Variants in TBC1D10A observed in about 807,000 individuals in gnomAD.
TBC1D10A encodes the protein TBC1 domain family member 10A.
Under a neutral mutation model 52.9 loss-of-function variants are expected in TBC1D10A, and 24 were observed. The observed-to-expected ratio is 0.45, with a 90% confidence interval of 0.33 to 0.64. The LOEUF (loss-of-function observed/expected upper bound fraction) is 0.64, where lower values mean the gene tolerates loss of function less well. Ranked by LOEUF, TBC1D10A falls within the 30% of genes least tolerant of loss-of-function variation. The pLI is 0.02. For synonymous variants in TBC1D10A, 278 were observed against 282.9 expected (o/e 0.98, Z 0.17); for missense variants, 602 against 687.9 (o/e 0.88, Z 1.40).
Position 30,292,160 on chromosome 22 carries a change from G to C in TBC1D10A, c.*215C>G. 1 of 479,244 alleles carries C rather than the reference G, an allele frequency of 2.1e-6. No homozygotes were observed. Among genetic ancestry groups the C allele is most frequent in the East Asian group, 3.3e-5 (1 of 30,512 alleles). The allele number at this position is 479,244 out of a possible 1,614,324, so 29.7% of individuals were successfully genotyped here. A position where few individuals can be genotyped will look rare whatever the true frequency, so the allele number is the denominator to read the frequency against. On this transcript the variant is annotated 3_prime_UTR_variant, in exon 9 of 9. Coordinates refer to ENST00000215790, the MANE Select transcript of TBC1D10A (RefSeq NM_031937.3). ...GCCCTAGCTTCTGCCTGCCCTGGCT[G>C]GGCCAGCCTGAGTGCCACTGTAAAG...
At chr22:30,324,066 G>A (rs1252095021) in intron 1 of TBC1D10A, among the ~76,000 whole-genome samples, 1 of 152,146 alleles carries the variant, frequency 6.6e-6, no homozygotes, top group Non-Finnish European at 1.5e-5. Context: ...CCTGTGACCT[G>A]CTTTCTTACC....
chr22:30,294,183 C>G, intron 6 of TBC1D10A, 73 bp from the exon 7 acceptor site: 1 of 1,485,384 alleles, frequency 6.7e-7, no homozygotes. Flanking sequence ...CACCCCAGCA[C>G]CCAGCACCCA....
chr22:30,300,048 T>C (rs1352319550), intron 2 of TBC1D10A, among the ~76,000 whole-genome samples: 2 of 151,848 alleles, frequency 1.3e-5, no homozygotes, highest in Admixed American at 1.3e-4. Context: ...CAATTAGATA[T>C]GCTAACACCA....
rs1407856949 is a variant in TBC1D10A at position 30,299,495 on chromosome 22, C to T, written c.366G>A (p.Gln122=). 3.7e-6 allele frequency: 6 copies of T among 1,614,214 alleles called. No homozygotes were observed. The highest frequency in any genetic ancestry group is 5.1e-6 in the Non-Finnish European group (6 of 1,180,028). Residue 122 remains glutamine (Q), a synonymous_variant, in exon 3 of 9, where the codon CAG becomes CAA. Coordinates refer to ENST00000215790, the MANE Select transcript of TBC1D10A (RefSeq NM_031937.3). ...ACTTCACCTTGCCTCCTGACAGGTACTGCCAAGCACGGCCCCGCAGAGAAG... is the reference window on the plus strand; with the variant it reads ...ACTTCACCTTGCCTCCTGACAGGTATTGCCAAGCACGGCCCCGCAGAGAAG... ...IPPSLRGRAW[Q]YLSGGKVKLQ... is the part of the protein sequence containing the mutation.
intron 1 of TBC1D10A, among the ~76,000 whole-genome samples, chr22:30,317,413 A>AAAAAC (rs200568124): frequency 1.1e-4 from 17 of 152,070 alleles, no homozygotes; most frequent in African/African-American, 4.1e-4. Context: ...TCCATCTCAA[A>AAAAAC]AAAACAAAAC....
chr22:30,309,011 G>A (rs1930372981), intron 1 of TBC1D10A, among the ~76,000 whole-genome samples: 1 of 152,146 alleles, frequency 6.6e-6, no homozygotes, highest in South Asian at 2.1e-4. Flanking sequence ...GCTATTTCCA[G>A]TTCCCTGGGG....
chr22:30,295,081 G>C (rs372324998), intron 4 of TBC1D10A, 26 bp from the exon 5 acceptor site: 1 of 1,609,374 alleles, frequency 6.2e-7, no homozygotes, highest in Non-Finnish European at 8.5e-7. Context: ...GCAGAGCAGT[G>C]ATGACCGGGG....
At chr22:30,303,306 T>TAGACAGACAGACAGAC (rs3067181) in intron 2 of TBC1D10A, among the ~76,000 whole-genome samples, 1 of 148,916 alleles carries the variant, frequency 6.7e-6, no homozygotes, top group Non-Finnish European at 1.5e-5. Flanking sequence ...GATAGATAGA[T>TAGACAGACAGACAGAC]AGACAGACAG....
chr22:30,301,148 C>T (rs760203694), intron 2 of TBC1D10A, among the ~76,000 whole-genome samples: 9 of 152,190 alleles, frequency 5.9e-5, no homozygotes, highest in East Asian at 1.9e-4. Flanking sequence ...GACCCAGCCC[C>T]GTGTACTTTC....
chr22:30,304,254 G>T (rs1037921944), intron 2 of TBC1D10A, among the ~76,000 whole-genome samples: 1 of 152,216 alleles, frequency 6.6e-6, no homozygotes, highest in African/African-American at 2.4e-5. Context: ...CCCCTGGGAA[G>T]GCTAGAAGAA....
chr22:30,304,365 C>A (rs1930268103), intron 2 of TBC1D10A, among the ~76,000 whole-genome samples, 166 bp downstream of exon 2: 1 of 152,202 alleles, frequency 6.6e-6, no homozygotes, highest in Admixed American at 6.5e-5. Flanking sequence ...CAACCTTCCC[C>A]CTGCCTTCAA....
chr22:30,309,110 T>C (rs1277220161), intron 1 of TBC1D10A, among the ~76,000 whole-genome samples: 1 of 152,082 alleles, frequency 6.6e-6, no homozygotes. Context: ...TCTAACCCCC[T>C]CCTCCAGTGT....
At chr22:30,298,265 C>T (rs1001409237) in intron 3 of TBC1D10A, 2 of 152,246 alleles carry the variant, frequency 1.3e-5, no homozygotes, top group Non-Finnish European at 2.9e-5. Flanking sequence ...TGCGGCCCCT[C>T]GAAATGGAAG....
chr22:30,292,753 G>A lies in TBC1D10A; in HGVS notation c.1149C>T (p.Ser383=). The change falls in exon 9 of 9, where the codon TCC becomes TCT. Residue 383 remains serine (S), a synonymous_variant. Coordinates refer to ENST00000215790, the MANE Select transcript of TBC1D10A (RefSeq NM_031937.3). ...QETRGELQCR[S]PPRLHGAKAI... is the part of the protein sequence containing the mutation. Reference sequence around the variant, plus strand: ...CCTTGGCACCATGCAGCCTGGGCGGGGAGCGGCACTGCAGCTCACCCCGGG... The same window carrying A: ...CCTTGGCACCATGCAGCCTGGGCGGAGAGCGGCACTGCAGCTCACCCCGGG... 6.2e-7 allele frequency: 1 copy of A among 1,611,990 alleles called. No homozygotes were observed. The highest frequency in any genetic ancestry group is 8.5e-7 in the Non-Finnish European group (1 of 1,179,676).
intron 2 of TBC1D10A, 125 bp from the exon 3 acceptor site, chr22:30,299,676 G>C (rs1402435115): frequency 3.5e-6 from 3 of 868,914 alleles, no homozygotes; most frequent in Non-Finnish European, 5.2e-6. Flanking sequence ...AGGGAGAAAA[G>C]AGGACTTTCG....
At chr22:30,308,189 C>T (rs147392397) in intron 1 of TBC1D10A, among the ~76,000 whole-genome samples, 11 of 152,024 alleles carry the variant, frequency 7.2e-5, no homozygotes. Flanking sequence ...GGGACTCAAA[C>T]CCAGGCCTGA....
At chr22:30,299,404 G>T (rs368177274) in intron 3 of TBC1D10A, 40 bp downstream of exon 3, 1 of 1,595,780 alleles carries the variant, frequency 6.3e-7, no homozygotes, top group African/African-American at 1.3e-5. Flanking sequence ...GACGCCAAGA[G>T]ATGCGGAAGG....
At chr22:30,305,981 A>G (rs1430292414) in intron 1 of TBC1D10A, among the ~76,000 whole-genome samples, 1 of 152,230 alleles carries the variant, frequency 6.6e-6, no homozygotes, top group Non-Finnish European at 1.5e-5. Flanking sequence ...TCCTGATAAA[A>G]GCAAAGCAAG....
At chr22:30,316,524 C>T (rs192884250) in intron 1 of TBC1D10A, among the ~76,000 whole-genome samples, 42 of 151,578 alleles carry the variant, frequency 2.8e-4, no homozygotes, top group Non-Finnish European at 5.2e-4. Flanking sequence ...GCAATAATGG[C>T]TCACTGTAGC....
Sources: allele counts gnomAD v4.1 joint callset (sites outside exome capture counted in the v4.1 genomes callset), GRCh38; gene constraint gnomAD v4.1.1; transcripts MANE v1.5; gene names NCBI Gene and HGNC (gene_info 2026-07-23, HGNC 2026-07-21).